The following SLC1A1 variants were observed in gnomAD, a reference collection of about 807,000 sequenced individuals.
The protein encoded by SLC1A1 is excitatory amino acid transporter 3.
In SLC1A1, 43 loss-of-function variants were observed where a neutral mutation model predicts 53.3. The ratio of observed to expected loss-of-function variants is 0.81; its 90% CI spans 0.63 to 1.04. The LOEUF (loss-of-function observed/expected upper bound fraction) is 1.04, where lower values mean the gene tolerates loss of function less well. Among genes scored for constraint, SLC1A1 ranks in the 50% least tolerant of loss-of-function variants. SLC1A1 has a pLI of 0.00. For synonymous variants in SLC1A1, 307 were observed against 243.2 expected, an observed-to-expected ratio of 1.26 and a Z score of -2.44; for missense variants, 748 against 664.9, an observed-to-expected ratio of 1.12 and a Z score of -1.37.
rs112099529 is a variant in SLC1A1, at chr9:4,569,217, C to A, written c.582+1450C>A. 8.3e-3 allele frequency among the ~76,000 whole-genome samples: 1,259 copies of A among 152,284 alleles called. 17 individuals carry two copies. The highest frequency in any genetic ancestry group is 0.029 in the African/African-American group (1,194 of 41,556). ...AATTCCTAGTCTGAATCTCTCTGCC[C>A]AGATGTAATTCAGAGTTCAGAGTTT... On this transcript the variant is annotated intron_variant, in intron 6 of 11. Transcript: ENST00000262352.
chr9:4,514,228 G>C (rs1011664340), intron 1 of SLC1A1, among the ~76,000 whole-genome samples: 3 of 152,204 alleles, frequency 2.0e-5, no homozygotes, highest in African/African-American at 4.8e-5. Context: ...TTAAGAGTCA[G>C]TTGGTGCATA....
At chr9:4,582,197 T>C (rs113410683) in intron 10 of SLC1A1, among the ~76,000 whole-genome samples, 1 of 152,186 alleles carries the variant, frequency 6.6e-6, no homozygotes, top group African/African-American at 2.4e-5. Flanking sequence ...ATAAAGAGAC[T>C]GCACATTACA....
chr9:4,529,073 C>G lies in SLC1A1; in HGVS notation c.92-15494C>G, dbSNP rs919730706. Among the ~76,000 whole-genome samples, 9 of 152,140 alleles carry G rather than the reference C, an allele frequency of 5.9e-5. No homozygotes were observed. The East Asian group carries it at 1.7e-3, about 29-fold the overall frequency. On this transcript the variant is annotated intron_variant, in intron 1 of 11. Coordinates refer to ENST00000262352, the MANE Select transcript of SLC1A1 (RefSeq NM_004170.6). ...TATAATTTATCACCAAATACTAACT[C>G]GTCCACCTCCTAAATTTGTTCCCCT...
intron 1 of SLC1A1, among the ~76,000 whole-genome samples, chr9:4,531,242 C>T (rs1816457599): frequency 6.6e-6 from 1 of 152,184 alleles, no homozygotes; most frequent in African/African-American, 2.4e-5. Flanking sequence ...CGTGCGTGAG[C>T]CGAAGCAGGG....
chr9:4,505,996 G>A (rs1247224445), intron 1 of SLC1A1, among the ~76,000 whole-genome samples: 1 of 151,980 alleles, frequency 6.6e-6, no homozygotes. Context: ...GCTAATTTTT[G>A]TATGTTTTTA....
At chr9:4,512,345 A>G (rs562942743) in intron 1 of SLC1A1, among the ~76,000 whole-genome samples, 1 of 152,070 alleles carries the variant, frequency 6.6e-6, no homozygotes, top group South Asian at 2.1e-4. Context: ...AAACTCTACA[A>G]AAAAATACAA....
Position 4,576,017 on chromosome 9 carries a change from A to G in SLC1A1, c.892A>G (p.Ile298Val). ...TVLTGLAIHS[I>V]VILPLIYFIV... is the part of the protein sequence containing the mutation. ...TGTTTACAGGCTTGCAATCCACTCC[A>G]TTGTAATTCTCCCGCTGATATATTT... The change falls in exon 9 of 12, where the codon ATT (isoleucine) becomes GTT (valine). Residue 298 changes from isoleucine to valine, a missense_variant. By Grantham distance (29) the Ile-to-Val change is conservative. Transcript: ENST00000262352. The G allele has an allele frequency of 6.2e-7, 1 of 1,614,112 alleles. No homozygotes were observed. Among genetic ancestry groups the G allele is most frequent in the South Asian group, 1.1e-5 (1 of 91,082 alleles).
intron 1 of SLC1A1, among the ~76,000 whole-genome samples, chr9:4,522,723 G>A (rs1016333027): frequency 2.6e-5 from 4 of 152,256 alleles, no homozygotes; most frequent in East Asian, 1.9e-4. Flanking sequence ...GAGTGTGAGC[G>A]TGTGAAGGAG....
intron 7 of SLC1A1, 75 bp from the exon 8 acceptor site, chr9:4,573,832 T>A (rs1415058243): frequency 2.0e-6 from 2 of 987,872 alleles, no homozygotes; most frequent in Non-Finnish European, 3.3e-6. Flanking sequence ...CACACTGGAG[T>A]GTTCCTTCCC....
At chr9:4,498,839 TATG>T (rs1409804611) in intron 1 of SLC1A1, among the ~76,000 whole-genome samples, 2 of 149,596 alleles carry the variant, frequency 1.3e-5, no homozygotes, top group Admixed American at 6.7e-5. Flanking sequence ...TGTGTATATA[TATG>T]ATATTGCTTA....
Position 4,583,348 on chromosome 9 carries a change from A to G in SLC1A1, c.1328+176A>G, listed in dbSNP as rs1821280001. ...ACATGCCTAAAAATTAACTCCTCAT[A>G]ACGTGGAGCAGTGATTTTAAAAAGC... On this transcript the variant is annotated intron_variant, in intron 11 of 11. Coordinates refer to ENST00000262352, the MANE Select transcript of SLC1A1 (RefSeq NM_004170.6). The surrounding 1 kb of genome is among the most constrained non-coding windows in gnomAD (Gnocchi z 4.6). Among the ~76,000 whole-genome samples the G allele has an allele frequency of 6.6e-6, 1 of 152,158 alleles. No homozygotes were observed. Among genetic ancestry groups the G allele is most frequent in the Admixed American group, 6.6e-5 (1 of 15,266 alleles).
intron 2 of SLC1A1, chr9:4,554,136 C>G (rs1212386361): frequency 6.6e-6 from 1 of 152,184 alleles, no homozygotes; most frequent in East Asian, 1.9e-4. Context: ...AGGTTGAAGA[C>G]AGATTAAGCC....
intron 1 of SLC1A1, among the ~76,000 whole-genome samples, chr9:4,499,771 T>C (rs931285970): frequency 4.6e-5 from 7 of 152,384 alleles, no homozygotes; most frequent in African/African-American, 1.7e-4. Flanking sequence ...TAAGATACGG[T>C]GTTTTATTTA....
At chr9:4,507,823 A>T (rs1586696301) in intron 1 of SLC1A1, among the ~76,000 whole-genome samples, 2 of 152,104 alleles carry the variant, frequency 1.3e-5, no homozygotes, top group Non-Finnish European at 2.9e-5. Context: ...CTTAAGTTGT[A>T]CCTGACTAAA....
At chr9:4,509,166 A>G (rs1337384025) in intron 1 of SLC1A1, among the ~76,000 whole-genome samples, 1 of 152,136 alleles carries the variant, frequency 6.6e-6, no homozygotes, top group Non-Finnish European at 1.5e-5. Context: ...CAAGAGTGTG[A>G]AAGCAAAAAA....
At chr9:4,581,891 G>A (rs1055429317) in intron 10 of SLC1A1, among the ~76,000 whole-genome samples, 1 of 152,216 alleles carries the variant, frequency 6.6e-6, no homozygotes, top group Non-Finnish European at 1.5e-5. Context: ...GTAGGCAGAT[G>A]AATGGGCAGT....
At chr9:4,501,693 G>A (rs949370805) in intron 1 of SLC1A1, among the ~76,000 whole-genome samples, 2 of 151,632 alleles carry the variant, frequency 1.3e-5, no homozygotes, top group Non-Finnish European at 2.9e-5. Flanking sequence ...GAACCCTGGA[G>A]GCAGAGGTCG....
At chr9:4,581,164 C>T (rs1336351878) in intron 10 of SLC1A1, among the ~76,000 whole-genome samples, 1 of 152,200 alleles carries the variant, frequency 6.6e-6, no homozygotes, top group East Asian at 1.9e-4. Context: ...GCCCAAAGTA[C>T]ATCACCCAGG....
intron 1 of SLC1A1, among the ~76,000 whole-genome samples, chr9:4,496,686 G>A (rs1045579415): frequency 6.6e-6 from 1 of 151,906 alleles, no homozygotes; most frequent in African/African-American, 2.4e-5. Context: ...CTTGAGGCTA[G>A]GAGTTCAAGA....
Sources: gnomAD v4.1 joint callset for allele counts (sites outside exome capture counted in the v4.1 genomes callset) on GRCh38, gnomAD v4.1.1 for gene constraint, Gnocchi (gnomAD v3.1) non-coding constraint, MANE v1.5 for transcripts, NCBI Gene and HGNC (gene_info 2026-07-23, HGNC 2026-07-21) for gene names.